ITGA3: variants seen among roughly 807,000 people sequenced by gnomAD.
ITGA3 encodes the protein integrin subunit alpha 3, also known as integrin alpha-3.
Under a neutral mutation model 131.1 loss-of-function variants are expected in ITGA3, and 70 were observed. That is an observed-to-expected ratio of 0.53 (90% CI 0.44 to 0.65). The LOEUF is 0.65. ITGA3 is among the 30% of genes least tolerant of loss of function. The pLI, the probability that ITGA3 is intolerant of heterozygous loss-of-function variation, is 0.00. For synonymous variants in ITGA3, 537 were observed against 571.6 expected (o/e 0.94, Z 0.86); for missense variants, 1,098 against 1,388.6 (o/e 0.79, Z 3.33).
intron 1 of ITGA3, among the ~76,000 whole-genome samples, chr17:50,060,282 C>T (rs1908016639): frequency 6.6e-6 from 1 of 152,208 alleles, no homozygotes. Flanking sequence ...CCCATGGAGC[C>T]ACCAAGTGCC....
intron 3 of ITGA3, chr17:50,066,075 C>G (rs1395239875): frequency 6.7e-6 from 1 of 149,364 alleles, no homozygotes; most frequent in Non-Finnish European, 1.5e-5. Context: ...CTCAACCAGG[C>G]TGGAGTATAG....
intron 3 of ITGA3, among the ~76,000 whole-genome samples, chr17:50,067,791 T>C (rs908907870): frequency 6.6e-6 from 1 of 152,208 alleles, no homozygotes; most frequent in Non-Finnish European, 1.5e-5. Context: ...CAGTCTCTCA[T>C]CCTTCCCTGC....
chr17:50,070,935 G>A lies in ITGA3; in HGVS notation c.751+5G>A. ...ACCAAGGAAACCTCTATATTGGTGAGTACAGTAGTGGTAGCCCATCAAGTG... is the reference window on the plus strand; with the variant it reads ...ACCAAGGAAACCTCTATATTGGTGAATACAGTAGTGGTAGCCCATCAAGTG... On this transcript the variant is annotated splice_donor_5th_base_variant and intron_variant, in intron 5 of 25. Transcript: ENST00000320031. The A allele has an allele frequency of 6.4e-7, 1 of 1,552,668 alleles. No homozygotes were observed. Among genetic ancestry groups the A allele is most frequent in the Non-Finnish European group, 8.9e-7 (1 of 1,124,054 alleles).
Position 50,079,201 on chromosome 17 carries a change from G to A in ITGA3, c.2526G>A (p.Gly842=), listed in dbSNP as rs1398526625. 6.2e-7 allele frequency: 1 copy of A among 1,614,002 alleles called. No homozygotes were observed. The highest frequency in any genetic ancestry group is 1.7e-5 in the Admixed American group (1 of 60,008). The change falls in exon 20 of 26, where the codon GGG becomes GGA. Residue 842 remains glycine (G), a synonymous_variant. Transcript: ENST00000320031. ...CGGAGATCACCGTCCATGGCAATGG[G>A]TCCTGGCCCTGCCGACCACCTGGAG... ...YPTEITVHGN[G]SWPCRPPGDL... is the part of the protein sequence containing the mutation.
intron 9 of ITGA3, 66 bp downstream of exon 9, chr17:50,074,346 C>A (rs1908779975): frequency 6.2e-7 from 1 of 1,604,254 alleles, no homozygotes; most frequent in Non-Finnish European, 8.5e-7. Context: ...AGATTCCCAT[C>A]TGTGTCCATG....
At chr17:50,076,735 T>C in intron 14 of ITGA3, 54 bp downstream of exon 14, 1 of 1,470,868 alleles carries the variant, frequency 6.8e-7, no homozygotes, top group Non-Finnish European at 9.5e-7. Flanking sequence ...CGGGGCCTCA[T>C]TAACTGGCAG....
At chr17:50,088,770 C>T (rs547446168) in intron 25 of ITGA3, among the ~76,000 whole-genome samples, 2 of 152,182 alleles carry the variant, frequency 1.3e-5, no homozygotes, top group Non-Finnish European at 2.9e-5. Flanking sequence ...CTGTTTCCTC[C>T]TGAGCAACCC....
At chr17:50,088,634 C>T (rs1480527254) in intron 25 of ITGA3, among the ~76,000 whole-genome samples, 1 of 152,174 alleles carries the variant, frequency 6.6e-6, no homozygotes, top group African/African-American at 2.4e-5. Flanking sequence ...GGGATTGGAA[C>T]AAGGTCAAGG....
At chr17:50,065,697 CTCTCTT>C (rs1351769996) in intron 3 of ITGA3, 1 of 151,860 alleles carries the variant, frequency 6.6e-6, no homozygotes, top group African/African-American at 2.4e-5. Flanking sequence ...CTCTCTCTCT[CTCTCTT>C]TTCTTTTCTT....
At chr17:50,082,147 C>T (rs1178558225) in intron 23 of ITGA3, among the ~76,000 whole-genome samples, 1 of 151,864 alleles carries the variant, frequency 6.6e-6, no homozygotes, top group African/African-American at 2.4e-5. Flanking sequence ...ACCACGATGC[C>T]CAGCTAATTT....
Position 50,071,031 on chromosome 17 carries a change from A to G in ITGA3, c.751+101A>G, listed in dbSNP as rs192243328. ...AGTGCAGTTGTGACTAATGGCATTTAGTTAAACTAGCACACACGGATTGGC... is the reference window on the plus strand; with the variant it reads ...AGTGCAGTTGTGACTAATGGCATTTGGTTAAACTAGCACACACGGATTGGC... On this transcript the variant is annotated intron_variant, in intron 5 of 25. Coordinates refer to ENST00000320031, the MANE Select transcript of ITGA3 (RefSeq NM_002204.4). 14 of 833,722 alleles carry G rather than the reference A, an allele frequency of 1.7e-5. No homozygotes were observed. The East Asian group carries it at 2.9e-4, about 17-fold the overall frequency. The allele number at this position is 833,722 out of a possible 1,614,324, so 51.6% of individuals were successfully genotyped here. A position where few individuals can be genotyped will look rare whatever the true frequency, so the allele number is the denominator to read the frequency against.
intron 10 of ITGA3, 117 bp downstream of exon 10, chr17:50,074,651 G>A: frequency 1.4e-6 from 1 of 737,980 alleles, no homozygotes; most frequent in Non-Finnish European, 2.3e-6. Flanking sequence ...TTTGATTCTT[G>A]GGGCCAGCAT....
In ITGA3 at chr17:50,064,554, G is replaced by A. The variant is rs1908241046; in HGVS notation, c.361G>A (p.Asp121Asn). The A allele has an allele frequency of 1.2e-6, 2 of 1,613,020 alleles. No individual in the cohort carries two copies. Among genetic ancestry groups the A allele is most frequent in the African/African-American group, 2.7e-5 (2 of 74,884 alleles). ...TGACCCTGGCCATCACATTATTGAG[G>A]ACATGTGGCTTGGAGTGACTGTGGC... ...KNDPGHHIIE[D>N]MWLGVTVASQ... Residue 121 changes from aspartate to asparagine, a missense_variant, in exon 3 of 26, where the codon GAC becomes AAC. By Grantham distance (23) the Asp-to-Asn change is conservative. Coordinates refer to ENST00000320031, the MANE Select transcript of ITGA3 (RefSeq NM_002204.4). This position sits in a 1 kb window ranked among gnomAD's most constrained non-coding sequence, Gnocchi z 4.4.
At position 50,073,704 on chromosome 17, in the gene ITGA3, T is replaced by C. The variant is rs143441272; in HGVS notation, c.1157-212T>C. Among the ~76,000 whole-genome samples, 68 of 151,870 alleles carry C rather than the reference T, an allele frequency of 4.5e-4. 1 individual carries two copies. The East Asian group carries it at 0.011, about 25-fold the overall frequency. ...TCACTTGTCATCTCCTGAACCTACT[T>C]TCCCACCCGTGATAGGAGGAAGCTG... On this transcript the variant is annotated intron_variant, in intron 7 of 25. Coordinates refer to ENST00000320031, the MANE Select transcript of ITGA3 (RefSeq NM_002204.4).
In ITGA3 at chr17:50,064,095, C is replaced by A. The variant is rs749885369; in HGVS notation, c.225C>A (p.Pro75=). 14 of 1,612,670 alleles carry A rather than the reference C, an allele frequency of 8.7e-6. No individual in the cohort carries two copies. The highest frequency in any genetic ancestry group is 1.2e-5 in the Non-Finnish European group (14 of 1,179,752). The part of the protein sequence containing the change: ...QQRYLLLAGA[P]RELAVPDGYT... ...TCCCCAGGCTCCTGGCTGGTGCCCC[C>A]CGGGAGCTCGCTGTGCCCGATGGCT... The change falls in exon 2 of 26, where the codon CCC becomes CCA. Residue 75 remains proline (P), a synonymous_variant. Transcript: ENST00000320031. The surrounding 1 kb of genome is among the most constrained non-coding windows in gnomAD (Gnocchi z 4.4).
At chr17:50,077,199 G>GACGACAACACCTGCACA in intron 15 of ITGA3, 78 bp downstream of exon 15, 1 of 1,443,118 alleles carries the variant, frequency 6.9e-7, no homozygotes, top group Non-Finnish European at 9.3e-7. Flanking sequence ...GTCCTGTGCA[G>GACGACAACACCTGCACA]GTGTTGTCGT....
In ITGA3 at chr17:50,056,540, A is replaced by G. The variant is rs1266410325; in HGVS notation, c.101A>G (p.Asn34Ser). ...AAGGCVVSAF[N>S]LDTRFLVVKE... ...GGCGGCTGCGTCGTCTCCGCCTTCA[A>G]CCTGGATACCCGATTCCTGGTAGTG... The change falls in exon 1 of 26, where the codon AAC becomes AGC. Residue 34 changes from asparagine to serine, a missense_variant. Transcript: ENST00000320031. The surrounding 1 kb of genome is among the most constrained non-coding windows in gnomAD (Gnocchi z 5.6). The G allele has an allele frequency of 6.4e-7, 1 of 1,559,120 alleles. No homozygotes were observed. Among genetic ancestry groups the G allele is most frequent in the Non-Finnish European group, 8.7e-7 (1 of 1,152,404 alleles).
chr17:50,084,262 A>G (rs1909300263), intron 23 of ITGA3, among the ~76,000 whole-genome samples: 1 of 150,590 alleles, frequency 6.6e-6, no homozygotes, highest in African/African-American at 2.4e-5. Context: ...AAAAAGAATA[A>G]TGCTGTCTAA....
Position 50,068,616 on chromosome 17 carries a change from C to T in ITGA3, c.664+311C>T, listed in dbSNP as rs141936484. 6.4e-3 allele frequency among the ~76,000 whole-genome samples: 961 copies of T among 151,118 alleles called. 2 individuals are homozygous for T. The highest frequency in any genetic ancestry group is 0.011 in the Non-Finnish European group (777 of 67,806). On this transcript the variant is annotated intron_variant, in intron 4 of 25. Transcript: ENST00000320031. ...CCCCAGGCTCAGGTGATCCTCCAACCTCAGCTTCTTGAGTAGCTATGACCG... is the reference window on the plus strand; with the variant it reads ...CCCCAGGCTCAGGTGATCCTCCAACTTCAGCTTCTTGAGTAGCTATGACCG...
Sources: gnomAD v4.1 joint callset for allele counts (sites outside exome capture counted in the v4.1 genomes callset) on GRCh38, gnomAD v4.1.1 for gene constraint, Gnocchi (gnomAD v3.1) non-coding constraint, MANE v1.5 for transcripts, NCBI Gene and HGNC (gene_info 2026-07-23, HGNC 2026-07-21) for gene names.